RGS7: variants seen among roughly 807,000 people sequenced by gnomAD.
RGS7 encodes regulator of G protein signaling 7.
A neutral mutation model predicts 81.1 loss-of-function variants in RGS7; 27 were observed. That is an observed-to-expected ratio of 0.33 (90% CI 0.25 to 0.46). RGS7 has a LOEUF of 0.46. Among genes scored for constraint, RGS7 ranks in the 20% least tolerant of loss-of-function variants. The pLI, the probability that RGS7 is intolerant of heterozygous loss-of-function variation, is 1.00. For synonymous variants in RGS7, 208 were observed against 207.7 expected, an observed-to-expected ratio of 1.00 and a Z score of -0.01; for missense variants, 396 against 607.4, an observed-to-expected ratio of 0.65 and a Z score of 3.66.
At chr1:241,253,256 C>A (rs547467824) in intron 2 of RGS7, among the ~76,000 whole-genome samples, 1 of 152,244 alleles carries the variant, frequency 6.6e-6, no homozygotes, top group Admixed American at 6.5e-5. Flanking sequence ...ATTATGATGT[C>A]AGTCTGTTTA....
At chr1:241,249,876 A>T (rs2076743792) in intron 2 of RGS7, among the ~76,000 whole-genome samples, 1 of 152,146 alleles carries the variant, frequency 6.6e-6, no homozygotes, top group South Asian at 2.1e-4. Flanking sequence ...TACAGAAAAA[A>T]ATTTTGGAAT....
intron 2 of RGS7, among the ~76,000 whole-genome samples, chr1:241,333,560 T>C (rs1240080768): frequency 6.6e-6 from 1 of 152,178 alleles, no homozygotes; most frequent in Non-Finnish European, 1.5e-5. Context: ...TGAGGACTGC[T>C]GTGAGGACTA....
chr1:241,356,266 T>A (rs961193202), intron 1 of RGS7, among the ~76,000 whole-genome samples: 2 of 152,200 alleles, frequency 1.3e-5, no homozygotes, highest in Admixed American at 1.3e-4. Context: ...CTCCTAGGTA[T>A]CTGTCTAGTG....
chr1:241,333,808 T>C (rs1212864525), intron 2 of RGS7, among the ~76,000 whole-genome samples: 1 of 152,106 alleles, frequency 6.6e-6, no homozygotes, highest in East Asian at 1.9e-4. Context: ...GCTTTAGATA[T>C]CTTCTCCAGT....
chr1:241,303,176 T>C (rs986644825), intron 2 of RGS7, among the ~76,000 whole-genome samples: 2 of 146,802 alleles, frequency 1.4e-5, no homozygotes, highest in Non-Finnish European at 3.1e-5. Context: ...ATCCCCAGTG[T>C]TGTAAAAGGA....
chr1:241,188,051 T>C (rs1222841089), intron 2 of RGS7, among the ~76,000 whole-genome samples: 1 of 152,150 alleles, frequency 6.6e-6, no homozygotes, highest in East Asian at 1.9e-4. Context: ...TAGTTAAAAA[T>C]AATTTACTGT....
At chr1:241,298,456 T>C (rs2079549093) in intron 2 of RGS7, among the ~76,000 whole-genome samples, 1 of 152,174 alleles carries the variant, frequency 6.6e-6, no homozygotes, top group Non-Finnish European at 1.5e-5. Context: ...GTTCTTCAGG[T>C]CCCCAGCCTA....
chr1:241,130,100 T>C (rs7548485), intron 2 of RGS7, among the ~76,000 whole-genome samples: 17,847 of 152,148 alleles, frequency 0.12, 3,457 homozygotes, highest in African/African-American at 0.4. Flanking sequence ...ATCCTTCAGA[T>C]TGCCAATGTG....
chr1:241,247,994 C>G (rs1168475174), intron 2 of RGS7, among the ~76,000 whole-genome samples: 1 of 152,184 alleles, frequency 6.6e-6, no homozygotes, highest in Non-Finnish European at 1.5e-5. Flanking sequence ...TGGTCCATCA[C>G]TTGTTCTGTA....
At chr1:241,317,623 G>A (rs1179833460) in intron 2 of RGS7, among the ~76,000 whole-genome samples, 1 of 152,086 alleles carries the variant, frequency 6.6e-6, no homozygotes, top group Admixed American at 6.5e-5. Context: ...CCAGCCACCC[G>A]GGATTCCAGT....
chr1:240,970,137 T>A (rs113011184), intron 4 of RGS7, among the ~76,000 whole-genome samples: 1 of 152,162 alleles, frequency 6.6e-6, no homozygotes, highest in Non-Finnish European at 1.5e-5. Flanking sequence ...GGAGACCCAA[T>A]TGATTAATGC....
chr1:240,846,859 G>A (rs889515044), intron 9 of RGS7, among the ~76,000 whole-genome samples: 2 of 152,138 alleles, frequency 1.3e-5, no homozygotes, highest in Non-Finnish European at 2.9e-5. Flanking sequence ...GCCAGGAACT[G>A]AAGCTGCCTG....
chr1:240,799,944 T>G (rs930212343), intron 18 of RGS7, among the ~76,000 whole-genome samples: 3 of 152,182 alleles, frequency 2.0e-5, no homozygotes, highest in Non-Finnish European at 4.4e-5. Context: ...GGGTTAGATA[T>G]GATGTTGGAA....
intron 2 of RGS7, among the ~76,000 whole-genome samples, chr1:241,158,139 G>C (rs749329349): frequency 2.0e-5 from 3 of 152,068 alleles, no homozygotes; most frequent in Non-Finnish European, 2.9e-5. Flanking sequence ...ACTTTTATTA[G>C]GACACAGCCA....
chr1:241,317,279 G>T (rs2080938064), intron 2 of RGS7, among the ~76,000 whole-genome samples: 1 of 152,094 alleles, frequency 6.6e-6, no homozygotes, highest in Non-Finnish European at 1.5e-5. Context: ...ATAATTTAAT[G>T]AACTATAAGT....
chr1:241,304,253 G>A (rs1348683496), intron 2 of RGS7, among the ~76,000 whole-genome samples: 1 of 152,104 alleles, frequency 6.6e-6, no homozygotes, highest in Non-Finnish European at 1.5e-5. Context: ...GGATCACTCT[G>A]ATTGCTGTGG....
intron 2 of RGS7, among the ~76,000 whole-genome samples, chr1:241,119,144 GATA>G (rs1324864748): frequency 1.1e-4 from 17 of 152,174 alleles, no homozygotes; most frequent in Admixed American, 2.0e-4. Context: ...TCATTAAAAT[GATA>G]ATAATAAGTA....
In RGS7 at chr1:241,144,546, T is replaced by C. The variant is rs944065259; in HGVS notation, c.79-45784A>G. On this transcript the variant is annotated intron_variant, in intron 2 of 18. Transcript: ENST00000440928. The surrounding 1 kb of genome is among the most constrained non-coding windows in gnomAD (Gnocchi z 4.7). ...GCAGCATGGAGGCAGGGTGTTAACC[T>C]GCTGTGTGACTGCTTTCAAAGAGCC... 3.3e-5 allele frequency among the ~76,000 whole-genome samples: 5 copies of C among 152,228 alleles called. No homozygotes were observed. Among genetic ancestry groups the C allele is most frequent in the African/African-American group, 1.2e-4 (5 of 41,462 alleles).
intron 4 of RGS7, among the ~76,000 whole-genome samples, chr1:240,937,078 C>T (rs1423435732): frequency 6.6e-6 from 1 of 152,162 alleles, no homozygotes; most frequent in Non-Finnish European, 1.5e-5. Flanking sequence ...ATGCCTTGTA[C>T]CGAAACGGAC....
Sources: gnomAD v4.1 joint callset for allele counts (sites outside exome capture counted in the v4.1 genomes callset) on GRCh38, gnomAD v4.1.1 for gene constraint, Gnocchi (gnomAD v3.1) non-coding constraint, MANE v1.5 for transcripts, NCBI Gene and HGNC (gene_info 2026-07-23, HGNC 2026-07-21) for gene names.